The following AGBL2 variants were observed in gnomAD, a reference collection of about 807,000 sequenced individuals.
AGBL2 encodes the protein AGBL carboxypeptidase 2.
In AGBL2, 87 loss-of-function variants were observed where a neutral mutation model predicts 103.0. The observed-to-expected ratio is 0.84, with a 90% CI of 0.71 to 1.01. The LOEUF is 1.01. AGBL2 is among the 50% of genes least tolerant of loss of function. AGBL2 has a pLI of 0.00. For synonymous variants in AGBL2, 335 were observed against 356.7 expected, an observed-to-expected ratio of 0.94 and a Z score of 0.69; for missense variants, 904 against 1,023.5, an observed-to-expected ratio of 0.88 and a Z score of 1.59.
At chr11:47,666,607 C>A (rs903459439) in intron 17 of AGBL2, 5 of 514,222 alleles carry the variant, frequency 9.7e-6, no homozygotes, top group East Asian at 6.7e-5. Context: ...AGTAAAGGGA[C>A]TGGCATGTAG....
intron 14 of AGBL2, among the ~76,000 whole-genome samples, chr11:47,669,382 C>T (rs1016457687): frequency 1.3e-5 from 2 of 152,160 alleles, no homozygotes; most frequent in Non-Finnish European, 2.9e-5. Context: ...ACTAAGAATT[C>T]TTGACAGCTG....
chr11:47,705,128 C>G (rs965167181), intron 6 of AGBL2: 1 of 154,072 alleles, frequency 6.5e-6, no homozygotes, highest in Admixed American at 6.5e-5. Flanking sequence ...TTACATAAAA[C>G]TTTATTCTTT....
intron 11 of AGBL2, among the ~76,000 whole-genome samples, chr11:47,683,468 T>C (rs185528117): frequency 1.3e-5 from 2 of 151,998 alleles, no homozygotes; most frequent in Non-Finnish European, 2.9e-5. Context: ...TATATCTTTA[T>C]GGGAAAAAGT....
In AGBL2 at chr11:47,685,871, G is replaced by GA. The variant is rs762722507; in HGVS notation, c.1788+21dup. On this transcript the variant is annotated intron_variant, in intron 11 of 18. Coordinates refer to ENST00000525123, the MANE Select transcript of AGBL2 (RefSeq NM_024783.4). ...TCCCATGTCCCTAACTCAATGGAGA[G>GA]AAAATTACATTATGTGCTTACCTTA... 16 of 1,609,044 alleles carry GA rather than the reference G, an allele frequency of 9.9e-6. No homozygotes were observed. The East Asian group carries it at 3.1e-4, about 31-fold the overall frequency.
chr11:47,714,473 A>G, intron 2 of AGBL2, 126 bp from the exon 3 acceptor site: 1 of 1,307,394 alleles, frequency 7.6e-7, no homozygotes, highest in South Asian at 1.2e-5. Flanking sequence ...CATGCGAATT[A>G]TTCTATCGTG....
intron 17 of AGBL2, among the ~76,000 whole-genome samples, chr11:47,664,158 A>G (rs899140068): frequency 2.0e-5 from 3 of 152,116 alleles, no homozygotes; most frequent in Non-Finnish European, 4.4e-5. Context: ...CCTGGGCAGC[A>G]CTGTTAACCA....
intron 13 of AGBL2, among the ~76,000 whole-genome samples, chr11:47,678,338 A>ATTATTTTTTT (rs1565026654): frequency 5.8e-4 from 55 of 95,174 alleles, no homozygotes; most frequent in East Asian, 9.5e-4. Context: ...TTATTTTATT[A>ATTATTTTTTT]TTTTATTTTT....
chr11:47,668,795 C>CT, intron 15 of AGBL2, 46 bp downstream of exon 15: 122 of 1,492,102 alleles, frequency 8.2e-5, no homozygotes, highest in Non-Finnish European at 9.9e-5. Flanking sequence ...AGTGTCATGA[C>CT]TTTTTTTTAA....
chr11:47,680,407 G>A (rs1487096076), intron 12 of AGBL2, among the ~76,000 whole-genome samples: 1 of 151,566 alleles, frequency 6.6e-6, no homozygotes, highest in African/African-American at 2.4e-5. Context: ...CTTGCAATGA[G>A]CTGAGATCGT....
intron 11 of AGBL2, among the ~76,000 whole-genome samples, chr11:47,685,120 G>T (rs2097418833): frequency 6.6e-6 from 1 of 151,938 alleles, no homozygotes; most frequent in South Asian, 2.1e-4. Context: ...TGAGGCAGGA[G>T]AATTGCTTGA....
At chr11:47,686,447 G>GTTTTTTT (rs563969184) in intron 10 of AGBL2, among the ~76,000 whole-genome samples, 8 of 105,054 alleles carry the variant, frequency 7.6e-5, no homozygotes, top group Admixed American at 1.2e-4. Flanking sequence ...TTTGTTTCTG[G>GTTTTTTT]TTTTTTTTTT....
At chr11:47,698,464 G>A (rs941631430) in intron 8 of AGBL2, among the ~76,000 whole-genome samples, 2 of 152,134 alleles carry the variant, frequency 1.3e-5, no homozygotes, top group African/African-American at 2.4e-5. Context: ...GAGCCACAGC[G>A]CCCAGCCACA....
chr11:47,710,752 G>A, intron 3 of AGBL2: 1 of 569,772 alleles, frequency 1.8e-6, no homozygotes. Flanking sequence ...GCCTGGTGTA[G>A]TGGAGTGAGA....
At chr11:47,673,010 T>C (rs2097362051) in intron 14 of AGBL2, among the ~76,000 whole-genome samples, 2 of 152,136 alleles carry the variant, frequency 1.3e-5, no homozygotes, top group Non-Finnish European at 2.9e-5. Context: ...CCTAAATAGC[T>C]GGGGAGACTA....
chr11:47,679,693 G>A (rs2153803548), intron 13 of AGBL2, among the ~76,000 whole-genome samples: 1 of 151,246 alleles, frequency 6.6e-6, no homozygotes, highest in South Asian at 2.1e-4. Context: ...CCAGGCTGGA[G>A]TGCAGTGGTG....
chr11:47,705,972 T>C, intron 4 of AGBL2, 55 bp from the exon 5 acceptor site: 1 of 1,425,886 alleles, frequency 7.0e-7, no homozygotes, highest in East Asian at 2.3e-5. Flanking sequence ...TCTTCTTTTC[T>C]TCTGTCTGCT....
At chr11:47,713,395 C>G (rs1306360910) in intron 3 of AGBL2, among the ~76,000 whole-genome samples, 4 of 139,304 alleles carry the variant, frequency 2.9e-5, no homozygotes, top group African/African-American at 1.1e-4. Context: ...CGTGGTGGCT[C>G]GTGCCTGTAA....
At chr11:47,705,982 T>C (rs2097517463) in intron 4 of AGBL2, 65 bp from the exon 5 acceptor site, 2 of 1,326,912 alleles carry the variant, frequency 1.5e-6, no homozygotes, top group Non-Finnish European at 2.2e-6. Flanking sequence ...TTCTGTCTGC[T>C]ATCCCCATCC....
chr11:47,710,328 T>A, intron 4 of AGBL2, 49 bp downstream of exon 4: 1 of 1,612,156 alleles, frequency 6.2e-7, no homozygotes, highest in Non-Finnish European at 8.5e-7. Context: ...CTCAGAGGAG[T>A]TACTAGGCAA....
Sources: gnomAD v4.1 joint callset for allele counts (sites outside exome capture counted in the v4.1 genomes callset) on GRCh38, gnomAD v4.1.1 for gene constraint, MANE v1.5 for transcripts, NCBI Gene and HGNC (gene_info 2026-07-23, HGNC 2026-07-21) for gene names.